The following MDFIC variants were observed in gnomAD, a reference collection of about 807,000 sequenced individuals.
MDFIC encodes MyoD family inhibitor domain containing.
A neutral mutation model predicts 23.2 loss-of-function variants in MDFIC; 17 were observed. That is an observed-to-expected ratio of 0.73 (90% CI 0.50 to 1.10). The LOEUF is 1.10. MDFIC is among the 50% of genes least tolerant of loss of function. The pLI is 0.00. For missense variants in MDFIC, 356 were observed against 316.6 expected, an observed-to-expected ratio of 1.12 and a Z score of -0.95; for synonymous variants, 120 against 115.2, an observed-to-expected ratio of 1.04 and a Z score of -0.27.
chr7:114,978,655 A>G lies in MDFIC; in HGVS notation c.218-851A>G, dbSNP rs2709472. On this transcript the variant is annotated intron_variant, in intron 3 of 4. Transcript: ENST00000393486. ...AATCTTGCTACATTTTTAGACTTTC[A>G]GTTTTTATAGTCTTAAACTTAGATT... Among the ~76,000 whole-genome samples, 542 of 152,000 alleles carry G rather than the reference A, an allele frequency of 3.6e-3. 4 individuals are homozygous for G. The highest frequency in any genetic ancestry group is 0.012 in the African/African-American group (515 of 41,486).
At chr7:114,970,525 C>T (rs111797622) in intron 3 of MDFIC, among the ~76,000 whole-genome samples, 11 of 152,192 alleles carry the variant, frequency 7.2e-5, no homozygotes, top group African/African-American at 2.6e-4. Flanking sequence ...CTATCCATAT[C>T]GCCTTTTGTA....
chr7:114,991,964 G>C (rs867778035), intron 4 of MDFIC, among the ~76,000 whole-genome samples: 29 of 152,300 alleles, frequency 1.9e-4, no homozygotes, highest in African/African-American at 6.7e-4. Context: ...TCACAATATT[G>C]ATTCTTCCTG....
chr7:114,943,098 G>C (rs569391604), intron 3 of MDFIC, among the ~76,000 whole-genome samples: 110 of 152,322 alleles, frequency 7.2e-4, no homozygotes, highest in Non-Finnish European at 1.3e-3. Flanking sequence ...ACCTGGAAGA[G>C]CATAGGGAGT....
chr7:114,958,790 A>G (rs1792933025), intron 3 of MDFIC, among the ~76,000 whole-genome samples: 1 of 152,124 alleles, frequency 6.6e-6, no homozygotes, highest in Non-Finnish European at 1.5e-5. Flanking sequence ...AAACAAACAA[A>G]CAAACAAATG....
At chr7:115,004,748 A>G (rs1245520830) in intron 4 of MDFIC, among the ~76,000 whole-genome samples, 1 of 151,950 alleles carries the variant, frequency 6.6e-6, no homozygotes, top group Non-Finnish European at 1.5e-5. Flanking sequence ...TCCACTTCCT[A>G]TGCACTCACT....
intron 3 of MDFIC, among the ~76,000 whole-genome samples, chr7:114,968,450 G>T (rs1292828711): frequency 6.6e-6 from 1 of 152,184 alleles, no homozygotes; most frequent in African/African-American, 2.4e-5. Context: ...ACTTCTGCAA[G>T]TTTGGAAACT....
At chr7:115,007,801 A>AC (rs1195119767) in intron 4 of MDFIC, among the ~76,000 whole-genome samples, 1 of 66,148 alleles carries the variant, frequency 1.5e-5, no homozygotes, top group Non-Finnish European at 3.0e-5. Context: ...TAGCACCCCC[A>AC]CCCCCCGACC....
intron 4 of MDFIC, chr7:114,980,126 A>G (rs964059639): frequency 1.5e-5 from 5 of 326,062 alleles, no homozygotes; most frequent in Non-Finnish European, 3.0e-5. Flanking sequence ...CCCTGATGCA[A>G]TATGTTATTC....
chr7:114,930,683 G>A (rs915147374), intron 2 of MDFIC, among the ~76,000 whole-genome samples: 1 of 152,120 alleles, frequency 6.6e-6, no homozygotes, highest in African/African-American at 2.4e-5. Flanking sequence ...ATAATAAAAG[G>A]TTTGGGAGTA....
In MDFIC at chr7:114,960,252, T is replaced by C. The variant is rs892940211; in HGVS notation, c.217+17855T>C. Among the ~76,000 whole-genome samples, 4 of 152,048 alleles carry C rather than the reference T, an allele frequency of 2.6e-5. No individual in the cohort carries two copies. In the East Asian group the frequency reaches 7.7e-4, roughly 29 times the overall value. On this transcript the variant is annotated intron_variant, in intron 3 of 4. Coordinates refer to ENST00000393486, the MANE Select transcript of MDFIC (RefSeq NM_001166345.3). ...CTAGATGGATATGAGTCACACAGAG[T>C]GATGAGAATAACCAGCACTTGGTTA...
rs187389132 is a variant in MDFIC, at chr7:115,016,028, A to G, written c.*93A>G. ...CACATTGTAAGATTCTCATGAAACA[A>G]CATGGAATTTGCACTGTTAACTCAT... On this transcript the variant is annotated 3_prime_UTR_variant, in exon 5 of 5. Transcript: ENST00000393486. The G allele has an allele frequency of 1.5e-4, 194 of 1,328,692 alleles. No individual in the cohort carries two copies. The highest frequency in any genetic ancestry group is 1.1e-3 in the Middle Eastern group (5 of 4,730). 82.3% of individuals were successfully genotyped at this position (1,328,692 alleles called of 1,614,324 possible). A position where few individuals can be genotyped will look rare whatever the true frequency, so the allele number is the denominator to read the frequency against.
At chr7:114,945,823 T>C (rs931445893) in intron 3 of MDFIC, among the ~76,000 whole-genome samples, 29 of 152,214 alleles carry the variant, frequency 1.9e-4, no homozygotes, top group African/African-American at 6.5e-4. Flanking sequence ...ATTCTCTTTT[T>C]TTATTTTATG....
At chr7:114,923,739 A>T in intron 2 of MDFIC, 1 of 1,079,788 alleles carries the variant, frequency 9.3e-7, no homozygotes, top group South Asian at 2.5e-5. Context: ...TGTGTCTGGG[A>T]AACTTCCATA....
intron 4 of MDFIC, among the ~76,000 whole-genome samples, chr7:115,008,344 A>G (rs912498658): frequency 3.3e-5 from 5 of 151,450 alleles, no homozygotes; most frequent in Admixed American, 6.6e-5. Flanking sequence ...GAGAGGAAAG[A>G]TAATAGTAAA....
chr7:114,979,552 A>C lies in MDFIC; in HGVS notation c.264A>C (p.Pro88=). Residue 88 remains proline, a synonymous_variant, in exon 4 of 5, where the codon CCA becomes CCC. Coordinates refer to ENST00000393486, the MANE Select transcript of MDFIC (RefSeq NM_001166345.3). ...LPQLQTSAQV[P]SGEEIGKIKN... ...AGCTTCAGACTTCAGCCCAGGTGCC[A>C]AGTGGTGAGGAAATAGGCAAGATAA... The C allele has an allele frequency of 6.2e-7, 1 of 1,614,046 alleles. No individual in the cohort carries two copies. The highest frequency in any genetic ancestry group is 1.1e-5 in the South Asian group (1 of 91,082).
At chr7:114,977,862 TATAA>T (rs1463435921) in intron 3 of MDFIC, among the ~76,000 whole-genome samples, 3 of 148,572 alleles carry the variant, frequency 2.0e-5, no homozygotes, top group Non-Finnish European at 3.0e-5. Context: ...ATATTAATTG[TATAA>T]ATATTAACAT....
At chr7:114,959,907 C>T (rs1179634597) in intron 3 of MDFIC, among the ~76,000 whole-genome samples, 4 of 151,888 alleles carry the variant, frequency 2.6e-5, no homozygotes, top group African/African-American at 9.7e-5. Flanking sequence ...GTACCTTTCT[C>T]GTCAGCCACT....
chr7:114,985,106 A>G (rs1793486888), intron 4 of MDFIC, among the ~76,000 whole-genome samples: 1 of 152,170 alleles, frequency 6.6e-6, no homozygotes, highest in African/African-American at 2.4e-5. Context: ...GGGATCAAAT[A>G]TTGGCTTTGC....
intron 2 of MDFIC, among the ~76,000 whole-genome samples, chr7:114,931,378 A>C (rs1391757370): frequency 6.6e-6 from 1 of 152,210 alleles, no homozygotes; most frequent in Admixed American, 6.5e-5. Context: ...ATGTGCTTTT[A>C]TGCCCAATTT....
Sources: gnomAD v4.1 joint callset for allele counts (sites outside exome capture counted in the v4.1 genomes callset) on GRCh38, gnomAD v4.1.1 for gene constraint, MANE v1.5 for transcripts, NCBI Gene and HGNC (gene_info 2026-07-23, HGNC 2026-07-21) for gene names.